The following TMPRSS7 variants were observed in gnomAD, a reference collection of about 807,000 sequenced individuals.
TMPRSS7 encodes transmembrane serine protease 7.
In TMPRSS7, 81 loss-of-function variants were observed where a neutral mutation model predicts 95.6. That is an observed-to-expected ratio of 0.85 (90% CI 0.71 to 1.02). The LOEUF (loss-of-function observed/expected upper bound fraction) is 1.02. Among genes scored for constraint, TMPRSS7 ranks in the 50% least tolerant of loss-of-function variants. TMPRSS7 has a pLI of 0.00. For synonymous variants in TMPRSS7, 364 were observed against 337.8 expected (o/e 1.08, Z -0.85); for missense variants, 945 against 955.2 (o/e 0.99, Z 0.14).
At chr3:112,076,736 C>A in intron 15 of TMPRSS7, 140 bp from the exon 16 acceptor site, 1 of 1,008,032 alleles carries the variant, frequency 9.9e-7, no homozygotes, top group East Asian at 2.4e-5. Context: ...GCCATGGTCC[C>A]CGGACAAAGC....
intron 13 of TMPRSS7, among the ~76,000 whole-genome samples, chr3:112,072,396 G>A (rs1244301245): frequency 2.6e-5 from 4 of 152,256 alleles, no homozygotes; most frequent in African/African-American, 9.6e-5. Flanking sequence ...CTACTGGGAG[G>A]TGTCTCCCAG....
At chr3:112,061,348 A>G (rs972566139) in intron 10 of TMPRSS7, among the ~76,000 whole-genome samples, 4 of 152,190 alleles carry the variant, frequency 2.6e-5, no homozygotes, top group African/African-American at 4.8e-5. Context: ...ATTTAGACTG[A>G]AATAATGTTG....
intron 13 of TMPRSS7, among the ~76,000 whole-genome samples, chr3:112,068,007 A>G (rs989632528): frequency 2.0e-5 from 3 of 152,198 alleles, no homozygotes; most frequent in African/African-American, 4.8e-5. Context: ...TAATTTTTGT[A>G]TAAGGTGTAA....
chr3:112,061,880 C>T, exon 11 of TMPRSS7: 1 of 1,602,728 alleles, frequency 6.2e-7, no homozygotes, highest in Non-Finnish European at 8.5e-7. Flanking sequence ...GGCTTTCAGA[C>T]AAGCCACTTT....
chr3:112,080,027 G>C (rs571890026), intron 17 of TMPRSS7, among the ~76,000 whole-genome samples: 194 of 152,234 alleles, frequency 1.3e-3, no homozygotes, highest in African/African-American at 4.5e-3. Context: ...ACTTAGTAGA[G>C]TTGATGTGGT....
At chr3:112,049,652 G>A (rs923500807) in intron 7 of TMPRSS7, among the ~76,000 whole-genome samples, 192 bp from the exon 8 acceptor site, 2 of 152,174 alleles carry the variant, frequency 1.3e-5, no homozygotes, top group African/African-American at 4.8e-5. Flanking sequence ...ACACAAAAAT[G>A]TATCTACCTT....
chr3:112,052,756 T>C (rs1162145798), intron 9 of TMPRSS7, among the ~76,000 whole-genome samples: 1 of 152,248 alleles, frequency 6.6e-6, no homozygotes, highest in Non-Finnish European at 1.5e-5. Flanking sequence ...TCAAAAGCTC[T>C]GTCGAATGTT....
chr3:112,070,411 C>T (rs1046214087), intron 13 of TMPRSS7, among the ~76,000 whole-genome samples: 1 of 152,154 alleles, frequency 6.6e-6, no homozygotes, highest in South Asian at 2.1e-4. Flanking sequence ...GTTGATCTGT[C>T]TAATATTGAC....
chr3:112,046,117 G>A (rs932323496), intron 5 of TMPRSS7, among the ~76,000 whole-genome samples, 174 bp downstream of exon 5: 4 of 152,182 alleles, frequency 2.6e-5, no homozygotes, highest in African/African-American at 9.7e-5. Flanking sequence ...ATTGCTAAAT[G>A]TTGTATATTG....
rs1559954214 is a variant in TMPRSS7 at position 112,047,754 on chromosome 3, A to G, written c.746A>G (p.Gln249Arg). ...GTCTCCACAGACAAAGGCTGCTCTC[A>G]GTACTTCTATGCAGAGCATCTGTCT... The change falls in exon 7 of 18, where the codon CAG becomes CGG. Residue 249 changes from glutamine (Q) to arginine (R), a missense_variant. By Grantham distance (43) the Gln-to-Arg change is conservative (BLOSUM62 1). Coordinates refer to ENST00000452346, the Ensembl canonical transcript of TMPRSS7. 3.1e-6 allele frequency: 5 copies of G among 1,613,228 alleles called. No homozygotes were observed. The South Asian group carries it at 5.5e-5, about 18-fold the overall frequency.
At chr3:112,068,807 C>T (rs1476160238) in intron 13 of TMPRSS7, among the ~76,000 whole-genome samples, 4 of 151,990 alleles carry the variant, frequency 2.6e-5, no homozygotes, top group Non-Finnish European at 5.9e-5. Context: ...AATCGAATAC[C>T]CTTTACTTCT....
At chr3:112,073,600 T>C (rs1474348811) in intron 13 of TMPRSS7, among the ~76,000 whole-genome samples, 2 of 152,232 alleles carry the variant, frequency 1.3e-5, no homozygotes, top group African/African-American at 4.8e-5. Flanking sequence ...GTTTTTTTCT[T>C]GTAAATTTGT....
At chr3:112,055,261 G>GA (rs1345613106) in intron 9 of TMPRSS7, among the ~76,000 whole-genome samples, 1 of 152,074 alleles carries the variant, frequency 6.6e-6, no homozygotes, top group Non-Finnish European at 1.5e-5. Flanking sequence ...TTTAACCTTG[G>GA]AAAAGTTACT....
Position 112,039,177 on chromosome 3 carries a change from C to A in TMPRSS7, c.298+856C>A, listed in dbSNP as rs371090599. 9.8e-5 allele frequency among the ~76,000 whole-genome samples: 15 copies of A among 152,302 alleles called. No homozygotes were observed. In the East Asian group the frequency reaches 2.9e-3, roughly 29 times the overall value. On this transcript the variant is annotated intron_variant, in intron 2 of 17. Transcript: ENST00000452346. ...TAGAGTTCTCACTTATGCAACACTG[C>A]AAGTATAGCCTTTGTTGACTTGTAT...
At chr3:112,049,097 A>T (rs943636935) in intron 7 of TMPRSS7, among the ~76,000 whole-genome samples, 1 of 152,184 alleles carries the variant, frequency 6.6e-6, no homozygotes, top group Non-Finnish European at 1.5e-5. Flanking sequence ...AGCACCCTGG[A>T]TTGGCTGGGG....
intron 12 of TMPRSS7, among the ~76,000 whole-genome samples, chr3:112,065,281 G>A (rs56256580): frequency 0.24 from 37,046 of 151,794 alleles, 5,122 homozygotes; most frequent in South Asian, 0.39. Context: ...ACCTCAAGCC[G>A]TCCTCCTACC....
chr3:112,072,216 G>A (rs1256242321), intron 13 of TMPRSS7, among the ~76,000 whole-genome samples: 2 of 152,208 alleles, frequency 1.3e-5, no homozygotes, highest in African/African-American at 4.8e-5. Flanking sequence ...CTCAGCTGCA[G>A]GTCTGTTGGA....
intron 13 of TMPRSS7, among the ~76,000 whole-genome samples, chr3:112,073,016 A>G (rs1009916283): frequency 2.6e-5 from 4 of 151,574 alleles, no homozygotes; most frequent in African/African-American, 9.7e-5. Flanking sequence ...GGTTGAACTA[A>G]TTTACACTCC....
exon 1 of TMPRSS7, chr3:112,034,868 T>G (rs912499092): frequency 1.8e-5 from 13 of 702,782 alleles, no homozygotes; most frequent in Non-Finnish European, 2.9e-5. Context: ...AACAGCGATG[T>G]TTCAGCCGCA....
Sources: gnomAD v4.1 joint callset for allele counts (sites outside exome capture counted in the v4.1 genomes callset) on GRCh38, gnomAD v4.1.1 for gene constraint, MANE v1.5 for transcripts, NCBI Gene and HGNC (gene_info 2026-07-23, HGNC 2026-07-21) for gene names.